The following GPRASP3 variants were observed in gnomAD, a reference collection of about 807,000 sequenced individuals.
GPRASP3 encodes the protein G protein-coupled receptor associated sorting protein family member 3.
the GPRASP3 span, among the ~76,000 whole-genome samples, chrX:102,731,586 C>T: frequency 2.8e-5 from 3 of 109,064 alleles, no homozygotes; most frequent in South Asian, 4.1e-4. Flanking sequence ...GCTGAGATCA[C>T]GCCACTCCAG....
chrX:102,735,214 T>A, the GPRASP3 span, among the ~76,000 whole-genome samples: 1 of 111,780 alleles, frequency 8.9e-6, no homozygotes, highest in South Asian at 3.7e-4. Flanking sequence ...GACAAATCTA[T>A]CTAATTTTAA....
the GPRASP3 span, among the ~76,000 whole-genome samples, chrX:102,734,438 G>A: frequency 9.0e-6 from 1 of 111,708 alleles, no homozygotes; most frequent in Non-Finnish European, 1.9e-5. Flanking sequence ...CCAATATGGC[G>A]AAACCCCGTC....
the GPRASP3 span, among the ~76,000 whole-genome samples, chrX:102,741,133 G>A: frequency 8.9e-6 from 1 of 111,738 alleles, no homozygotes; most frequent in African/African-American, 3.3e-5. Context: ...TTTGACTGAG[G>A]GGCATAAGGC....
At chrX:102,746,197 G>C in the GPRASP3 span, 3 of 111,635 alleles carry the variant, frequency 2.7e-5, no homozygotes, top group African/African-American at 6.5e-5. Context: ...GCGTGAGCTT[G>C]GGGTGGTCCG....
the GPRASP3 span, among the ~76,000 whole-genome samples, chrX:102,734,631 A>AATC: frequency 9.0e-6 from 1 of 111,413 alleles, no homozygotes; most frequent in Non-Finnish European, 1.9e-5. Context: ...AAATAATAAT[A>AATC]ATAATAAAAA....
chrX:102,730,446 G>A, the GPRASP3 span, among the ~76,000 whole-genome samples: 1 of 112,488 alleles, frequency 8.9e-6, no homozygotes, highest in Non-Finnish European at 1.9e-5. Flanking sequence ...GGACTCCTGA[G>A]CTTGAAGATA....
the GPRASP3 span, among the ~76,000 whole-genome samples, chrX:102,742,857 A>T: frequency 8.9e-6 from 1 of 111,952 alleles, no homozygotes; most frequent in Non-Finnish European, 1.9e-5. Flanking sequence ...CAGCCTCAAG[A>T]GGTCTTGACA....
chrX:102,748,726 C>T, the GPRASP3 span: 1 of 265,350 alleles, frequency 3.8e-6, no homozygotes, highest in Non-Finnish European at 6.7e-6. Flanking sequence ...GCTGTGGTGG[C>T]TTTGGATTGT....
the GPRASP3 span, among the ~76,000 whole-genome samples, chrX:102,733,567 T>C: frequency 9.1e-6 from 1 of 110,388 alleles, no homozygotes; most frequent in Admixed American, 9.7e-5. Flanking sequence ...CTTTACTCAA[T>C]TGTTAAAAGC....
chrX:102,748,712 G>T, the GPRASP3 span: 2 of 248,731 alleles, frequency 8.0e-6, no homozygotes, highest in Non-Finnish European at 1.4e-5. Flanking sequence ...CATCTCCACT[G>T]GTGGCTGTGG....
chrX:102,742,736 T>G, the GPRASP3 span, among the ~76,000 whole-genome samples: 1 of 111,472 alleles, frequency 9.0e-6, no homozygotes, highest in East Asian at 2.8e-4. Context: ...CAGGGGCACC[T>G]CCACTCAGAA....
chrX:102,746,348 GC>G, the GPRASP3 span, among the ~76,000 whole-genome samples: 1 of 112,554 alleles, frequency 8.9e-6, no homozygotes, highest in Non-Finnish European at 1.9e-5. Flanking sequence ...ACCGGTGCAG[GC>G]CGAGCCAGGC....
the GPRASP3 span, among the ~76,000 whole-genome samples, chrX:102,732,434 C>T: frequency 9.0e-6 from 1 of 110,988 alleles, no homozygotes; most frequent in Non-Finnish European, 1.9e-5. Flanking sequence ...AGGATGATAT[C>T]CCTCACTGAA....
At chrX:102,752,046 G>A in the GPRASP3 span, 1 of 120,467 alleles carries the variant, frequency 8.3e-6, no homozygotes, top group Middle Eastern at 4.7e-3. Context: ...GCAAGCCTGG[G>A]CATTTCTGCA....
At chrX:102,742,095 C>G in the GPRASP3 span, among the ~76,000 whole-genome samples, 1 of 111,987 alleles carries the variant, frequency 8.9e-6, no homozygotes, top group Non-Finnish European at 1.9e-5. Context: ...CTTGCTATTG[C>G]CCTCATCATT....
the GPRASP3 span, among the ~76,000 whole-genome samples, chrX:102,745,398 G>T: frequency 2.6e-3 from 287 of 111,630 alleles, 1 homozygote; most frequent in Non-Finnish European, 4.6e-3. Flanking sequence ...CAGTGGTGAG[G>T]CCTTGATGGG....
chrX:102,748,990 T>G, the GPRASP3 span: 74 of 1,199,872 alleles, frequency 6.2e-5, no homozygotes, highest in Non-Finnish European at 8.1e-5. Flanking sequence ...TAACTGGGCT[T>G]CAACCATGGC....
the GPRASP3 span, among the ~76,000 whole-genome samples, chrX:102,730,114 C>T: frequency 9.0e-6 from 1 of 111,446 alleles, no homozygotes; most frequent in African/African-American, 3.3e-5. Flanking sequence ...ACTGGGAGCC[C>T]GGAGATTGTT....
At chrX:102,728,569 CTTTTTTTTTTTTT>C in the GPRASP3 span, among the ~76,000 whole-genome samples, 3 of 61,785 alleles carry the variant, frequency 4.9e-5, no homozygotes, top group East Asian at 1.8e-3. Flanking sequence ...ATGTGCACTG[CTTTTTTTTTTTTT>C]TTTTTTTTTT....
Sources: allele counts gnomAD v4.1 joint callset (sites outside exome capture counted in the v4.1 genomes callset), GRCh38; gene constraint gnomAD v4.1.1; transcripts MANE v1.5; gene names NCBI Gene and HGNC (gene_info 2026-07-23, HGNC 2026-07-21).